LIG1: variants seen among roughly 807,000 people sequenced by gnomAD.
The protein encoded by LIG1 is ligase I, DNA, ATP-dependent.
A neutral mutation model predicts 115.7 loss-of-function variants in LIG1; 70 were observed. The observed-to-expected ratio is 0.60, with a 90% confidence interval of 0.50 to 0.74. The LOEUF is 0.74. LIG1 is among the 30% of genes least tolerant of loss of function. LIG1 has a pLI of 0.00. For synonymous variants in LIG1, 487 were observed against 495.3 expected, an observed-to-expected ratio of 0.98 and a Z score of 0.22; for missense variants, 1,115 against 1,225.6, an observed-to-expected ratio of 0.91 and a Z score of 1.35.
At chr19:48,166,037 G>A (rs547285992) in intron 1 of LIG1, among the ~76,000 whole-genome samples, 2 of 152,316 alleles carry the variant, frequency 1.3e-5, no homozygotes, top group Admixed American at 6.5e-5. Flanking sequence ...CAGTTTCTAA[G>A]GTATGCTGTT....
chr19:48,147,027 G>A (rs752831344), intron 9 of LIG1, among the ~76,000 whole-genome samples: 33 of 152,178 alleles, frequency 2.2e-4, no homozygotes, highest in African/African-American at 6.8e-4. Context: ...CCTTGATAAG[G>A]TCTCAATTGG....
At chr19:48,143,653 G>A (rs1319528422) in intron 10 of LIG1, 54 bp from the exon 11 acceptor site, 46 of 1,479,196 alleles carry the variant, frequency 3.1e-5, no homozygotes, top group Non-Finnish European at 4.1e-5. Flanking sequence ...ATACCATGCT[G>A]CCCGTCTGCA....
At position 48,143,616 on chromosome 19, in the gene LIG1, G is replaced by C; in HGVS notation, c.858-17C>G. 6.2e-7 allele frequency: 1 copy of C among 1,609,154 alleles called. No individual in the cohort carries two copies. Among genetic ancestry groups the C allele is most frequent in the South Asian group, 1.1e-5 (1 of 90,968 alleles). On this transcript the variant is annotated splice_polypyrimidine_tract_variant and intron_variant, in intron 10 of 27. Transcript: ENST00000263274. ...TAAGGAACCCTAGGGAAGGAAAAGA[G>C]ACGCAAGAGTGACAGTGGTGCAGGC...
intron 7 of LIG1, 133 bp downstream of exon 7, chr19:48,151,099 T>C: frequency 1.6e-6 from 1 of 642,692 alleles, no homozygotes; most frequent in Non-Finnish European, 2.8e-6. Flanking sequence ...ATAAAAACTA[T>C]TATTCTTCTA....
At chr19:48,128,482 G>T (rs981367010) in intron 19 of LIG1, among the ~76,000 whole-genome samples, 1 of 152,142 alleles carries the variant, frequency 6.6e-6, no homozygotes, top group Non-Finnish European at 1.5e-5. Flanking sequence ...CCAAAGCTGG[G>T]GGGACTCTCC....
rs753778664 is a variant in LIG1, at chr19:48,137,796, G to A, written c.1088-108C>T. 5.1e-6 allele frequency: 7 copies of A among 1,372,674 alleles called. No homozygotes were observed. The highest frequency in any genetic ancestry group is 1.4e-5 in the African/African-American group (1 of 70,204). The allele number at this position is 1,372,674 out of a possible 1,614,324, so 85.0% of individuals were successfully genotyped here. A position where few individuals can be genotyped will look rare whatever the true frequency, so the allele number is the denominator to read the frequency against. On this transcript the variant is annotated intron_variant, in intron 12 of 27. Coordinates refer to ENST00000263274, the MANE Select transcript of LIG1 (RefSeq NM_000234.3). The surrounding 1 kb of genome is among the most constrained non-coding windows in gnomAD (Gnocchi z 4.3). ...TTCTCCAGCTGTGTGTGCTTGTGGC[G>A]AGTCCCTGCACCTCCCTGTGTCTAA...
Position 48,149,758 on chromosome 19 carries a change from C to G in LIG1, c.776+5G>C. Reference sequence around the variant, plus strand: ...GAACCTTTCCAGACCTGGACACTGACTCACCCCTCAGCAGCTCCCTCCTTT... The same window carrying G: ...GAACCTTTCCAGACCTGGACACTGAGTCACCCCTCAGCAGCTCCCTCCTTT... On this transcript the variant is annotated splice_donor_5th_base_variant and intron_variant, in intron 9 of 27. Coordinates refer to ENST00000263274, the MANE Select transcript of LIG1 (RefSeq NM_000234.3). 3 of 1,612,732 alleles carry G rather than the reference C, an allele frequency of 1.9e-6. No homozygotes were observed. The highest frequency in any genetic ancestry group is 2.5e-6 in the Non-Finnish European group (3 of 1,178,708).
intron 17 of LIG1, 109 bp from the exon 18 acceptor site, chr19:48,133,206 A>G (rs944209495): frequency 3.8e-6 from 3 of 790,108 alleles, no homozygotes; most frequent in African/African-American, 3.4e-5. Context: ...CTTTCTTGCT[A>G]TTCAGTCACG....
At position 48,127,643 on chromosome 19, in the gene LIG1, G is replaced by A. The variant is rs115926170; in HGVS notation, c.1932+267C>T. ...ATGGAAAAGGGGAAACCTGTGGGGT[G>A]CAGGTTGTGGGGTTTTCCAGAACAG... On this transcript the variant is annotated intron_variant, in intron 20 of 27. Coordinates refer to ENST00000263274, the MANE Select transcript of LIG1 (RefSeq NM_000234.3). 659 of 610,724 alleles carry A rather than the reference G, an allele frequency of 1.1e-3. 1 individual carries two copies. The highest frequency in any genetic ancestry group is 0.011 in the African/African-American group (581 of 54,458). 37.8% of individuals were successfully genotyped at this position (610,724 alleles called of 1,614,324 possible). A position where few individuals can be genotyped will look rare whatever the true frequency, so the allele number is the denominator to read the frequency against.
At position 48,150,071 on chromosome 19, in the gene LIG1, G is replaced by A; in HGVS notation, c.697+17C>T. On this transcript the variant is annotated intron_variant, in intron 8 of 27. Coordinates refer to ENST00000263274, the MANE Select transcript of LIG1 (RefSeq NM_000234.3). ...CCTGTACAACCCCGGGAGGTGGGGT[G>A]AGCAAGGGAAACTCACTGAAGAAGC... The A allele has an allele frequency of 6.2e-7, 1 of 1,614,148 alleles. No individual in the cohort carries two copies. The highest frequency in any genetic ancestry group is 8.5e-7 in the Non-Finnish European group (1 of 1,180,020).
intron 10 of LIG1, 50 bp from the exon 11 acceptor site, chr19:48,143,649 T>C (rs963229793): frequency 2.0e-6 from 3 of 1,483,332 alleles, no homozygotes; most frequent in South Asian, 1.1e-5. Context: ...GGCTATACCA[T>C]GCTGCCCGTC....
intron 19 of LIG1, 120 bp from the exon 20 acceptor site, chr19:48,128,140 G>A (rs2033794828): frequency 1.3e-6 from 1 of 789,048 alleles, no homozygotes. Flanking sequence ...TAACAAAGAG[G>A]CAGGTGCACA....
intron 12 of LIG1, among the ~76,000 whole-genome samples, chr19:48,139,768 G>A (rs966849011): frequency 1.3e-5 from 2 of 150,324 alleles, no homozygotes; most frequent in African/African-American, 2.4e-5. Context: ...CACATGCCTG[G>A]TCCTCCCTCA....
At position 48,135,976 on chromosome 19, in the gene LIG1, G is replaced by C. The variant is rs1025087324; in HGVS notation, c.1423+58C>G. The C allele has an allele frequency of 2.1e-5, 30 of 1,403,828 alleles. No individual in the cohort carries two copies. The African/African-American group carries it at 2.8e-4, about 13-fold the overall frequency. 87.0% of individuals were successfully genotyped at this position (1,403,828 alleles called of 1,614,324 possible). A position where few individuals can be genotyped will look rare whatever the true frequency, so the allele number is the denominator to read the frequency against. ...GGCGGGCATGGGCCTCTGAAGAGGA[G>C]GGGGGAAGCCTGAGGTAACTCCAGC... On this transcript the variant is annotated intron_variant, in intron 15 of 27. Coordinates refer to ENST00000263274, the MANE Select transcript of LIG1 (RefSeq NM_000234.3).
chr19:48,132,222 C>G (rs1407023772), intron 18 of LIG1, among the ~76,000 whole-genome samples: 1 of 152,118 alleles, frequency 6.6e-6, no homozygotes, highest in African/African-American at 2.4e-5. Context: ...GCCTGCTTAC[C>G]TATCCCCAGG....
intron 2 of LIG1, among the ~76,000 whole-genome samples, chr19:48,164,061 A>G (rs539129825): frequency 3.3e-5 from 5 of 152,060 alleles, no homozygotes; most frequent in African/African-American, 1.2e-4. Flanking sequence ...TTAGTATCTC[A>G]GTGGTGAGAA....
At chr19:48,156,141 C>G (rs759570279) in intron 5 of LIG1, among the ~76,000 whole-genome samples, 2 of 152,004 alleles carry the variant, frequency 1.3e-5, no homozygotes, top group Non-Finnish European at 2.9e-5. Flanking sequence ...GCTCACCATC[C>G]CCAATCCTGC....
chr19:48,169,910 T>TC (rs1599909277), intron 1 of LIG1: 3 of 81,390 alleles, frequency 3.7e-5, no homozygotes, highest in African/African-American at 7.1e-5. Context: ...CCACACAGTT[T>TC]TCCCCCCCCC....
At chr19:48,150,729 G>A (rs1007004337) in intron 7 of LIG1, among the ~76,000 whole-genome samples, 2 of 152,108 alleles carry the variant, frequency 1.3e-5, no homozygotes, top group Non-Finnish European at 2.9e-5. Context: ...GGGAGTTCTT[G>A]CTCTGTGGCC....
Sources: allele counts gnomAD v4.1 joint callset (sites outside exome capture counted in the v4.1 genomes callset), GRCh38; gene constraint gnomAD v4.1.1; non-coding constraint Gnocchi (gnomAD v3.1); transcripts MANE v1.5; gene names NCBI Gene and HGNC (gene_info 2026-07-23, HGNC 2026-07-21).